The following SEPSECS variants were observed in gnomAD, a reference collection of about 807,000 sequenced individuals.
The protein encoded by SEPSECS is O-phosphoseryl-tRNA(Sec) selenium transferase.
Under a neutral mutation model 52.1 loss-of-function variants are expected in SEPSECS, and 42 were observed. The observed-to-expected ratio is 0.81, with a 90% CI of 0.63 to 1.04. The LOEUF (loss-of-function observed/expected upper bound fraction) is 1.04. Ranked by LOEUF, SEPSECS falls within the 50% of genes least tolerant of loss-of-function variation. The pLI is 0.00. For missense variants in SEPSECS, 590 were observed against 610.6 expected, an observed-to-expected ratio of 0.97 and a Z score of 0.36; for synonymous variants, 216 against 211.4, an observed-to-expected ratio of 1.02 and a Z score of -0.19.
At chr4:25,155,238 C>A (rs764838414) in intron 4 of SEPSECS, 87 bp from the exon 5 acceptor site, 2 of 1,371,872 alleles carry the variant, frequency 1.5e-6, no homozygotes, top group African/African-American at 2.9e-5. Flanking sequence ...CTATTCTACA[C>A]AAGAACTCTT....
At position 25,145,167 on chromosome 4, in the gene SEPSECS, A is replaced by G; in HGVS notation, c.805-34T>C. On this transcript the variant is annotated intron_variant, in intron 6 of 10. Transcript: ENST00000382103. The stretch of plus-strand genomic sequence containing the variant: ...AATATGATATTACATATTAGTTGCT[A>G]GGAAAACAGACAACTGCTATTAACA... 1.9e-6 allele frequency: 3 copies of G among 1,610,000 alleles called. 1 individual carries two copies. In the Middle Eastern group the frequency reaches 5.0e-4, roughly 266 times the overall value.
In SEPSECS at chr4:25,120,234, A is replaced by G. The variant is rs1235108000; in HGVS notation, c.*3697T>C. The G allele has an allele frequency of 6.6e-6, 1 of 152,156 alleles. No individual in the cohort carries two copies. The highest frequency in any genetic ancestry group is 1.5e-5 in the Non-Finnish European group (1 of 67,992). The allele number at this position is 152,156 out of a possible 1,614,324, so 9.4% of individuals were successfully genotyped here. A position where few individuals can be genotyped will look rare whatever the true frequency, so the allele number is the denominator to read the frequency against. Reference sequence around the variant, plus strand: ...TCAAGTTGACACCACTTGATAAAAAACAAAACAATATAAACATTTCTAGAT... The same window carrying G: ...TCAAGTTGACACCACTTGATAAAAAGCAAAACAATATAAACATTTCTAGAT... On this transcript the variant is annotated 3_prime_UTR_variant, in exon 11 of 11. Transcript: ENST00000382103.
Position 25,122,314 on chromosome 4 carries a change from TACAA to T in SEPSECS, c.*1613_*1616del, listed in dbSNP as rs1009999178. 5 of 152,138 alleles carry T rather than the reference TACAA, an allele frequency of 3.3e-5. No homozygotes were observed. Among genetic ancestry groups the T allele is most frequent in the Non-Finnish European group, 7.4e-5 (5 of 67,988 alleles). 9.4% of individuals were successfully genotyped at this position (152,138 alleles called of 1,614,324 possible). A position where few individuals can be genotyped will look rare whatever the true frequency, so the allele number is the denominator to read the frequency against. On this transcript the variant is annotated 3_prime_UTR_variant, in exon 11 of 11. Coordinates refer to ENST00000382103, the MANE Select transcript of SEPSECS (RefSeq NM_016955.4). ...CCTTACACATGTCTGACCTCATGTT[TACAA>T]ACAGTCTGGGACAATGTACAACGTC...
At position 25,152,013 on chromosome 4, in the gene SEPSECS, CTA is replaced by C; in HGVS notation, c.749_750del (p.Ile250SerfsTer2). 6.2e-7 allele frequency: 1 copy of C among 1,602,358 alleles called. No individual in the cohort carries two copies. The highest frequency in any genetic ancestry group is 8.6e-7 in the Non-Finnish European group (1 of 1,169,532). On this transcript the variant is annotated frameshift_variant, in exon 6 of 11. Transcript: ENST00000382103. LOFTEE classifies it high-confidence loss of function. ...GACTGCACTCCATAAGCATTATTAA[CTA>C]TATGTGGAATGTCATAATTAGCACA... The part of the protein sequence containing the change: ...VICANYDIPH[I>X]VNNAYGVQSS...
Position 25,156,018 on chromosome 4 carries a change from T to C in SEPSECS, c.547+19A>G. 6.2e-7 allele frequency: 1 copy of C among 1,602,620 alleles called. No individual in the cohort carries two copies. Among genetic ancestry groups the C allele is most frequent in the Non-Finnish European group, 8.5e-7 (1 of 1,169,674 alleles). On this transcript the variant is annotated intron_variant, in intron 4 of 10. Transcript: ENST00000382103. The stretch of plus-strand genomic sequence containing the variant: ...CATAATTATGATGTTTAAAACATTA[T>C]GTATGACACTTCTCTTACCTGCAGT...
chr4:25,143,510 C>T (rs764664970), intron 8 of SEPSECS, among the ~76,000 whole-genome samples: 8 of 152,076 alleles, frequency 5.3e-5, no homozygotes, highest in Non-Finnish European at 8.8e-5. Context: ...TTGCATATTT[C>T]GGTACATTAG....
At chr4:25,154,181 T>G (rs1004465975) in intron 5 of SEPSECS, among the ~76,000 whole-genome samples, 1 of 152,160 alleles carries the variant, frequency 6.6e-6, no homozygotes, top group Non-Finnish European at 1.5e-5. Flanking sequence ...TTTAAGAGCA[T>G]AGTTAAAAAA....
In SEPSECS at chr4:25,148,277, T is replaced by C. The variant is rs540984729; in HGVS notation, c.805-3144A>G. Among the ~76,000 whole-genome samples, 514 of 139,488 alleles carry C rather than the reference T, an allele frequency of 3.7e-3. 1 individual carries two copies. The highest frequency in any genetic ancestry group is 0.017 in the Middle Eastern group (4 of 232). The allele number at this position is 139,488 out of a possible 152,430, so 91.5% of individuals were successfully genotyped here. A position where few individuals can be genotyped will look rare whatever the true frequency, so the allele number is the denominator to read the frequency against. ...CTGAGGCAGGAGAATGGCGTGAACCTGGGAGGCGGAGCTTGCAGTGAGCCA... is the reference window on the plus strand; with the variant it reads ...CTGAGGCAGGAGAATGGCGTGAACCCGGGAGGCGGAGCTTGCAGTGAGCCA... On this transcript the variant is annotated intron_variant, in intron 6 of 10. Coordinates refer to ENST00000382103, the MANE Select transcript of SEPSECS (RefSeq NM_016955.4).
At chr4:25,160,177 G>A in intron 1 of SEPSECS, 79 bp downstream of exon 1, 1 of 1,537,404 alleles carries the variant, frequency 6.5e-7, no homozygotes, top group South Asian at 1.2e-5. Flanking sequence ...CTGCCGGTGA[G>A]GCAGCACCAG....
At chr4:25,154,057 T>A (rs188214880) in intron 5 of SEPSECS, among the ~76,000 whole-genome samples, 1 of 152,244 alleles carries the variant, frequency 6.6e-6, no homozygotes, top group East Asian at 1.9e-4. Context: ...GAACAATGCT[T>A]ATTTTTCAAT....
Position 25,144,866 on chromosome 4 carries a change from C to T in SEPSECS, c.935-1G>A, listed in dbSNP as rs1711862232. 6.2e-7 allele frequency: 1 copy of T among 1,610,958 alleles called. No homozygotes were observed. The highest frequency in any genetic ancestry group is 1.3e-5 in the African/African-American group (1 of 74,762). Reference sequence around the variant, plus strand: ...AAAGAAGGTGAAGCTGAAGCTCTTCCTGAAATAAGAAGGATAAGTTACATT... The same window carrying T: ...AAAGAAGGTGAAGCTGAAGCTCTTCTTGAAATAAGAAGGATAAGTTACATT... On this transcript the variant is annotated splice_acceptor_variant, in intron 7 of 10. Transcript: ENST00000382103. LOFTEE classifies it high-confidence loss of function.
At chr4:25,136,048 A>G (rs890916195) in intron 8 of SEPSECS, among the ~76,000 whole-genome samples, 5 of 152,184 alleles carry the variant, frequency 3.3e-5, no homozygotes, top group East Asian at 1.9e-4. Context: ...TTGAAGGAAC[A>G]TATCTCAAAA....
chr4:25,156,919 C>T lies in SEPSECS; in HGVS notation c.325G>A (p.Ala109Thr), dbSNP rs759814730. Reference sequence around the variant, plus strand: ...ATTTTGTTCAAAAGGCTAGAGCCTGCAGCTTTTGGTTGCACAGCAGAAATA... The same window carrying T: ...ATTTTGTTCAAAAGGCTAGAGCCTGTAGCTTTTGGTTGCACAGCAGAAATA... ...GDISAVQPKA[A>T]GSSLLNKITN... Residue 109 changes from alanine to threonine, a missense_variant, in exon 3 of 11, where the codon GCA becomes ACA. Transcript: ENST00000382103. 6.2e-7 allele frequency: 1 copy of T among 1,613,616 alleles called. No homozygotes were observed. Among genetic ancestry groups the T allele is most frequent in the Non-Finnish European group, 8.5e-7 (1 of 1,179,646 alleles).
chr4:25,127,374 T>C lies in SEPSECS; in HGVS notation c.1027-17A>G, dbSNP rs572504035. The C allele has an allele frequency of 1.5e-5, 24 of 1,575,688 alleles. No individual in the cohort carries two copies. In the East Asian group the frequency reaches 2.0e-4, roughly 13 times the overall value. ...AAACATTTCCTGCAACAACAAAATG[T>C]CACATTTAAAACAAATCAAATATCT... On this transcript the variant is annotated splice_polypyrimidine_tract_variant and intron_variant, in intron 8 of 10. Coordinates refer to ENST00000382103, the MANE Select transcript of SEPSECS (RefSeq NM_016955.4).
chr4:25,142,661 C>G (rs576086967), intron 8 of SEPSECS, among the ~76,000 whole-genome samples: 2 of 152,082 alleles, frequency 1.3e-5, no homozygotes, highest in Non-Finnish European at 2.9e-5. Context: ...TATTCAGATG[C>G]AGGGAGGGAA....
intron 10 of SEPSECS, 55 bp from the exon 11 acceptor site, chr4:25,124,280 C>G (rs1256102418): frequency 7.3e-6 from 11 of 1,512,230 alleles, no homozygotes; most frequent in Non-Finnish European, 1.0e-5. Flanking sequence ...AACACAATGT[C>G]ACCCATAAAC....
chr4:25,120,039 TAATA>T lies in SEPSECS; in HGVS notation c.*3888_*3891del, dbSNP rs1441257776. On this transcript the variant is annotated 3_prime_UTR_variant, in exon 11 of 11. Coordinates refer to ENST00000382103, the MANE Select transcript of SEPSECS (RefSeq NM_016955.4). Reference sequence around the variant, plus strand: ...TGACTTATCAAAAATTTATTTCATATAATAAATTATATAATTTATTTTCATCTTT... The same window carrying T: ...TGACTTATCAAAAATTTATTTCATATAATTATATAATTTATTTTCATCTTT... The T allele has an allele frequency of 2.6e-5, 4 of 152,026 alleles. No individual in the cohort carries two copies. The highest frequency in any genetic ancestry group is 9.7e-5 in the African/African-American group (4 of 41,442). 9.4% of individuals were successfully genotyped at this position (152,026 alleles called of 1,614,324 possible).
intron 8 of SEPSECS, among the ~76,000 whole-genome samples, chr4:25,141,930 C>T (rs1295614954): frequency 1.3e-5 from 2 of 152,172 alleles, no homozygotes; most frequent in Non-Finnish European, 2.9e-5. Flanking sequence ...CTGCCTGAAA[C>T]GCACTTCACC....
intron 8 of SEPSECS, among the ~76,000 whole-genome samples, chr4:25,128,020 C>T (rs941003011): frequency 2.0e-5 from 3 of 152,120 alleles, no homozygotes; most frequent in Admixed American, 1.3e-4. Flanking sequence ...CTAAAGACAC[C>T]TTCCTTTGTT....
Sources: allele counts gnomAD v4.1 joint callset (sites outside exome capture counted in the v4.1 genomes callset), GRCh38; gene constraint gnomAD v4.1.1; transcripts MANE v1.5; gene names NCBI Gene and HGNC (gene_info 2026-07-23, HGNC 2026-07-21).